The following GOSR2 variants were observed in gnomAD, a reference collection of about 807,000 sequenced individuals.
The protein encoded by GOSR2 is golgi SNAP receptor complex member 2.
A neutral mutation model predicts 27.9 loss-of-function variants in GOSR2; 20 were observed. The observed-to-expected ratio is 0.72, with a 90% CI of 0.50 to 1.04. The LOEUF (loss-of-function observed/expected upper bound fraction) is 1.04. GOSR2 is among the 50% of genes least tolerant of loss of function. GOSR2 has a pLI of 0.00. For missense variants in GOSR2, 261 were observed against 270.5 expected, an observed-to-expected ratio of 0.97 and a Z score of 0.25; for synonymous variants, 91 against 98.8, an observed-to-expected ratio of 0.92 and a Z score of 0.47.
At chr17:46,936,420 G>A in intron 5 of GOSR2, 1 of 985,396 alleles carries the variant, frequency 1.0e-6, no homozygotes, top group Non-Finnish European at 1.2e-6. Context: ...TACCAGAGGG[G>A]AAGGCTGTGA....
At position 46,954,079 on chromosome 17, in the gene GOSR2, C is replaced by T. The variant is rs189384640; in HGVS notation, c.584-12455C>T. Among the ~76,000 whole-genome samples the T allele has an allele frequency of 4.5e-3, 690 of 152,318 alleles. 2 individuals carry two copies. The highest frequency in any genetic ancestry group is 0.014 in the Middle Eastern group (4 of 294). On this transcript the variant is annotated intron_variant, in intron 6 of 6. Transcript: ENST00000573224. Reference sequence around the variant, plus strand: ...TCAATTTTGGCTTTTGTTGCCATCGCTTTTGGTGTTTTAGACATGAAGTCC... The same window carrying T: ...TCAATTTTGGCTTTTGTTGCCATCGTTTTTGGTGTTTTAGACATGAAGTCC...
At chr17:46,943,190 T>C (rs1438241933), downstream of GOSR2, among the ~76,000 whole-genome samples, 1 of 152,030 alleles carries the variant, frequency 6.6e-6, no homozygotes, top group Non-Finnish European at 1.5e-5. Flanking sequence ...TGGGAACCAC[T>C]TGCAGAGACC....
chr17:46,951,204 G>A (rs1284858929), intron 6 of GOSR2, among the ~76,000 whole-genome samples: 1 of 152,162 alleles, frequency 6.6e-6, no homozygotes, highest in Non-Finnish European at 1.5e-5. Context: ...GGCAGACAGA[G>A]GTGGACGCAG....
At chr17:46,967,466 A>G (rs1037213594), downstream of GOSR2, among the ~76,000 whole-genome samples, 1 of 152,214 alleles carries the variant, frequency 6.6e-6, no homozygotes, top group East Asian at 1.9e-4. Flanking sequence ...ATTCTGTTTC[A>G]TGGGTGAGGT....
At chr17:46,963,758 G>C (rs149996749) in intron 6 of GOSR2, 95 of 152,254 alleles carry the variant, frequency 6.2e-4, no homozygotes, top group African/African-American at 2.2e-3. Context: ...GTCACCACTG[G>C]AGAAGCTTGA....
At chr17:46,973,084 C>T (rs1247897051) in intron 6 of GOSR2, 1 of 151,636 alleles carries the variant, frequency 6.6e-6, no homozygotes, top group East Asian at 2.1e-4. Context: ...ACTCGGAAAT[C>T]CCACTGAAGT....
rs1191347058 is a variant in GOSR2, at chr17:46,931,496, A to G, written c.203+289A>G. On this transcript the variant is annotated intron_variant, in intron 3 of 5. Coordinates refer to ENST00000640051, the MANE Select transcript of GOSR2 (RefSeq NM_004287.5). ...TTTTGACTAGATCCATAGCCACCTG[A>G]AGCCTAATGTTGCCATGGAGTTTTG... The G allele has an allele frequency of 1.1e-5, 5 of 472,614 alleles. No homozygotes were observed. In the Admixed American group the frequency reaches 1.9e-4, roughly 18 times the overall value. The allele number at this position is 472,614 out of a possible 1,614,324, so 29.3% of individuals were successfully genotyped here. A position where few individuals can be genotyped will look rare whatever the true frequency, so the allele number is the denominator to read the frequency against.
intron 6 of GOSR2, among the ~76,000 whole-genome samples, chr17:46,961,897 G>A (rs995681673): frequency 3.9e-5 from 6 of 152,202 alleles, no homozygotes; most frequent in African/African-American, 1.4e-4. Context: ...TGCTACCCTA[G>A]GGGATTATAG....
At position 46,935,110 on chromosome 17, in the gene GOSR2, C is replaced by T. The variant is rs1362428738; in HGVS notation, c.418C>T (p.Leu140Phe). ...GAAAGTTCACAACGGCATGGATGAC[C>T]TCATTTTAGATGGGCACAATATTTT... The part of the protein sequence containing the change: ...LQKVHNGMDD[L>F]ILDGHNILDG... Residue 140 changes from leucine to phenylalanine, a missense_variant, in exon 5 of 6, where the codon CTC becomes TTC. Coordinates refer to ENST00000640051, the MANE Select transcript of GOSR2 (RefSeq NM_004287.5). 6.2e-7 allele frequency: 1 copy of T among 1,613,758 alleles called. No homozygotes were observed. The highest frequency in any genetic ancestry group is 1.7e-5 in the Admixed American group (1 of 60,032).
intron 5 of GOSR2, chr17:46,937,879 A>G (rs370323233): frequency 6.5e-5 from 10 of 152,872 alleles, no homozygotes; most frequent in East Asian, 5.8e-4. Context: ...TTATTTATGT[A>G]TTTTTTGAGA....
At position 46,940,353 on chromosome 17, in the gene GOSR2, C is replaced by G; in HGVS notation, c.*1593C>G. The G allele has an allele frequency of 1.1e-5, 17 of 1,483,442 alleles. No individual in the cohort carries two copies. The highest frequency in any genetic ancestry group is 1.5e-5 in the Non-Finnish European group (17 of 1,118,928). 91.9% of individuals were successfully genotyped at this position (1,483,442 alleles called of 1,614,324 possible). A position where few individuals can be genotyped will look rare whatever the true frequency, so the allele number is the denominator to read the frequency against. ...GTGACTCCTAAAATGGGTTGGGGCC[C>G]TGCCAGAGTTAAAGCAGTGACTGGA... On this transcript the variant is annotated 3_prime_UTR_variant, in exon 6 of 6. Coordinates refer to ENST00000640051, the MANE Select transcript of GOSR2 (RefSeq NM_004287.5).
chr17:46,934,529 A>T (rs1229908679), intron 4 of GOSR2, among the ~76,000 whole-genome samples: 2 of 152,202 alleles, frequency 1.3e-5, no homozygotes, highest in Non-Finnish European at 2.9e-5. Flanking sequence ...CTCAAAAAAA[A>T]AGAAAATGCA....
Position 46,940,160 on chromosome 17 carries a change from C to A in GOSR2, c.*1400C>A. ...CCGCTGCTCTGTAGTCATGTTGGTCCTTTCAGGCACCTCTGTGGCATAGCT... is the reference window on the plus strand; with the variant it reads ...CCGCTGCTCTGTAGTCATGTTGGTCATTTCAGGCACCTCTGTGGCATAGCT... On this transcript the variant is annotated 3_prime_UTR_variant, in exon 6 of 6. Transcript: ENST00000640051. 7.6e-7 allele frequency: 1 copy of A among 1,323,130 alleles called. No homozygotes were observed. The highest frequency in any genetic ancestry group is 9.7e-7 in the Non-Finnish European group (1 of 1,032,684). The allele number at this position is 1,323,130 out of a possible 1,614,324, so 82.0% of individuals were successfully genotyped here.
downstream of GOSR2, among the ~76,000 whole-genome samples, chr17:46,945,939 A>G (rs909889064): frequency 2.1e-4 from 32 of 152,328 alleles, no homozygotes; most frequent in Middle Eastern, 3.4e-3. Flanking sequence ...TTCCGTGTCC[A>G]TGGTGATTTC....
intron 4 of GOSR2, among the ~76,000 whole-genome samples, chr17:46,934,436 T>TG (rs978847205): frequency 6.6e-6 from 1 of 151,948 alleles, no homozygotes; most frequent in African/African-American, 2.4e-5. Context: ...GTGGGAGAAT[T>TG]GTTTGAGTCC....
intron 6 of GOSR2, among the ~76,000 whole-genome samples, chr17:46,956,250 T>G (rs1190711626): frequency 1.4e-5 from 2 of 147,684 alleles, no homozygotes; most frequent in Admixed American, 6.7e-5. Context: ...TCTACCCGCC[T>G]AAGGCCAGGA....
chr17:46,938,303 A>T (rs2088752969), intron 5 of GOSR2, among the ~76,000 whole-genome samples: 1 of 152,226 alleles, frequency 6.6e-6, no homozygotes, highest in Non-Finnish European at 1.5e-5. Context: ...TTACACACAT[A>T]TCTGTAAGAG....
chr17:46,966,465 A>T, intron 6 of GOSR2: 1 of 628,198 alleles, frequency 1.6e-6, no homozygotes, highest in Non-Finnish European at 2.9e-6. Context: ...CTCCCATCTC[A>T]GCCTCCAGGG....
intron 1 of GOSR2, 151 bp from the exon 2 acceptor site, chr17:46,929,369 T>C: frequency 2.9e-6 from 2 of 686,988 alleles, no homozygotes; most frequent in East Asian, 2.7e-5. Context: ...TGCCAAAACG[T>C]GGGACCTAAA....
Sources: allele counts gnomAD v4.1 joint callset (sites outside exome capture counted in the v4.1 genomes callset), GRCh38; gene constraint gnomAD v4.1.1; transcripts MANE v1.5; gene names NCBI Gene and HGNC (gene_info 2026-07-23, HGNC 2026-07-21).